The following VPS8 variants were observed in gnomAD, a reference collection of about 807,000 sequenced individuals.
VPS8 encodes vacuolar protein sorting-associated protein 8 homolog.
Under a neutral mutation model 216.4 loss-of-function variants are expected in VPS8, and 129 were observed. The ratio of observed to expected loss-of-function variants is 0.60; its 90% CI spans 0.52 to 0.69. The LOEUF is 0.69. VPS8 is among the 30% of genes least tolerant of loss of function. The probability of loss-of-function intolerance (pLI) is 0.00; values close to 1 mark genes in which losing one functional copy is unlikely to be tolerated. For missense variants in VPS8, 1,531 were observed against 1,683.5 expected (o/e 0.91, Z 1.59); for synonymous variants, 571 against 565.4 (o/e 1.01, Z -0.14).
intron 45 of VPS8, among the ~76,000 whole-genome samples, chr3:185,014,004 TCAC>T (rs1755417385): frequency 6.6e-6 from 1 of 152,246 alleles, no homozygotes; most frequent in Non-Finnish European, 1.5e-5. Flanking sequence ...GCAGTATCTC[TCAC>T]TTATAGGAAT....
chr3:184,947,234 C>T (rs1197004630), intron 36 of VPS8, among the ~76,000 whole-genome samples: 1 of 152,202 alleles, frequency 6.6e-6, no homozygotes, highest in African/African-American at 2.4e-5. Flanking sequence ...AGAGTTCCCC[C>T]ACATTTTCAT....
intron 21 of VPS8, among the ~76,000 whole-genome samples, chr3:184,873,103 G>A (rs75478658): frequency 1.4e-3 from 211 of 152,240 alleles, no homozygotes; most frequent in African/African-American, 4.9e-3. Flanking sequence ...CAGATACTAT[G>A]TAAAGTATGT....
At chr3:184,949,729 G>A (rs1403000762) in intron 36 of VPS8, among the ~76,000 whole-genome samples, 3 of 152,042 alleles carry the variant, frequency 2.0e-5, no homozygotes, top group African/African-American at 4.8e-5. Context: ...GTATTTTTCA[G>A]GCAGATTGGA....
At chr3:185,032,441 C>A (rs1046407758) in intron 46 of VPS8, among the ~76,000 whole-genome samples, 1 of 151,996 alleles carries the variant, frequency 6.6e-6, no homozygotes, top group Non-Finnish European at 1.5e-5. Context: ...CTAGAAAGAA[C>A]CAGGTATGAA....
At chr3:184,930,619 CA>C (rs1233857893) in intron 34 of VPS8, 51 bp downstream of exon 34, 3 of 1,381,176 alleles carry the variant, frequency 2.2e-6, no homozygotes, top group Non-Finnish European at 3.1e-6. Flanking sequence ...TCATCTAACC[CA>C]AGTTAACTTT....
At chr3:184,832,247 C>T (rs1466034963) in intron 3 of VPS8, among the ~76,000 whole-genome samples, 3 of 152,126 alleles carry the variant, frequency 2.0e-5, no homozygotes, top group African/African-American at 7.2e-5. Flanking sequence ...GTTTCCTACC[C>T]AGAATGCCTT....
At chr3:184,983,860 A>G (rs553335802) in intron 42 of VPS8, among the ~76,000 whole-genome samples, 42 of 149,258 alleles carry the variant, frequency 2.8e-4, no homozygotes, top group African/African-American at 7.1e-4. Flanking sequence ...TTTTTATTCA[A>G]TGAAGAATGT....
chr3:185,003,192 T>TTC (rs1753671301), intron 45 of VPS8, among the ~76,000 whole-genome samples: 1 of 143,300 alleles, frequency 7.0e-6, no homozygotes, highest in African/African-American at 2.6e-5. Flanking sequence ...TCTTGGGTGT[T>TTC]TCTCGCAGAG....
At chr3:185,000,851 C>T (rs542073168) in intron 45 of VPS8, among the ~76,000 whole-genome samples, 11 of 152,220 alleles carry the variant, frequency 7.2e-5, no homozygotes, top group Admixed American at 2.0e-4. Flanking sequence ...GTGATCTGCC[C>T]GCCTCGGCCT....
At chr3:184,819,116 CT>C (rs1716984030) in intron 1 of VPS8, among the ~76,000 whole-genome samples, 1 of 152,024 alleles carries the variant, frequency 6.6e-6, no homozygotes, top group Admixed American at 6.6e-5. Context: ...TGGCGCATAT[CT>C]TTTTTTAATG....
At chr3:184,901,002 CT>C in intron 25 of VPS8, 30 bp downstream of exon 25, 1 of 1,590,672 alleles carries the variant, frequency 6.3e-7, no homozygotes. Flanking sequence ...TAATTTTTTG[CT>C]TTCCTGTATT....
At chr3:184,848,056 G>A (rs1424914091) in intron 8 of VPS8, among the ~76,000 whole-genome samples, 2 of 151,992 alleles carry the variant, frequency 1.3e-5, no homozygotes, top group Non-Finnish European at 2.9e-5. Flanking sequence ...AGGATTACAG[G>A]TGCCCACCAC....
At chr3:184,927,126 T>G (rs992918840) in intron 31 of VPS8, among the ~76,000 whole-genome samples, 1 of 152,198 alleles carries the variant, frequency 6.6e-6, no homozygotes, top group African/African-American at 2.4e-5. Flanking sequence ...TATCATGAGA[T>G]AGTAACTGTT....
At chr3:184,838,537 T>C (rs1336528872) in intron 5 of VPS8, among the ~76,000 whole-genome samples, 177 bp from the exon 6 acceptor site, 1 of 152,166 alleles carries the variant, frequency 6.6e-6, no homozygotes, top group Non-Finnish European at 1.5e-5. Context: ...TTCATGCCCT[T>C]TGTATTTTGT....
At position 184,878,369 on chromosome 3, in the gene VPS8, A is replaced by G. The variant is rs545870024; in HGVS notation, c.1734+7564A>G. The stretch of plus-strand genomic sequence containing the variant: ...CATGATCCACCCGCCTCGGCCTCCT[A>G]AAGTGCCGGGATTACAGGTGTGAGC... On this transcript the variant is annotated intron_variant, in intron 21 of 47. Coordinates refer to ENST00000625842, the MANE Select transcript of VPS8 (RefSeq NM_001009921.3). Among the ~76,000 whole-genome samples the G allele has an allele frequency of 1.2e-4, 18 of 152,260 alleles. No individual in the cohort carries two copies. In the East Asian group the frequency reaches 3.5e-3, roughly 29 times the overall value.
chr3:184,874,074 T>C (rs1240286492), intron 21 of VPS8, among the ~76,000 whole-genome samples: 2 of 152,136 alleles, frequency 1.3e-5, no homozygotes, highest in African/African-American at 2.4e-5. Flanking sequence ...TAAAGTGTTT[T>C]TTTTTTTTAA....
At chr3:185,009,689 C>T (rs1754734526) in intron 45 of VPS8, among the ~76,000 whole-genome samples, 1 of 151,776 alleles carries the variant, frequency 6.6e-6, no homozygotes, top group Admixed American at 6.6e-5. Flanking sequence ...AGATAGTGAC[C>T]CCTGAAAGAT....
In VPS8 at chr3:185,052,310, T is replaced by G; in HGVS notation, c.*285T>G. ...CTGTCCAGCTTTTTAGGAAATACAT[T>G]TCGCCTATTGCGACTTTTTCCATTT... On this transcript the variant is annotated 3_prime_UTR_variant, in exon 48 of 48. Coordinates refer to ENST00000625842, the MANE Select transcript of VPS8 (RefSeq NM_001009921.3). 3.4e-6 allele frequency: 1 copy of G among 290,530 alleles called. No individual in the cohort carries two copies. The highest frequency in any genetic ancestry group is 8.2e-5 in the South Asian group (1 of 12,196). The allele number at this position is 290,530 out of a possible 1,614,324, so 18.0% of individuals were successfully genotyped here. A position where few individuals can be genotyped will look rare whatever the true frequency, so the allele number is the denominator to read the frequency against.
At position 184,900,989 on chromosome 3, in the gene VPS8, C is replaced by T; in HGVS notation, c.2146+17C>T. On this transcript the variant is annotated intron_variant, in intron 25 of 47. Coordinates refer to ENST00000625842, the MANE Select transcript of VPS8 (RefSeq NM_001009921.3). ...CACTAACAGGTATTTATTTTCTAAG[C>T]CTTAATTTTTTGCTTTCCTGTATTT... is the stretch of plus-strand genomic sequence containing the variant. 1 of 1,601,020 alleles carries T rather than the reference C, an allele frequency of 6.2e-7. No homozygotes were observed. The highest frequency in any genetic ancestry group is 8.5e-7 in the Non-Finnish European group (1 of 1,176,674).
Sources: gnomAD v4.1 joint callset for allele counts (sites outside exome capture counted in the v4.1 genomes callset) on GRCh38, gnomAD v4.1.1 for gene constraint, MANE v1.5 for transcripts, NCBI Gene and HGNC (gene_info 2026-07-23, HGNC 2026-07-21) for gene names.